Variants in CD300LF observed in about 807,000 individuals in gnomAD.
The protein encoded by CD300LF is CD300 molecule like family member f.
CD300LF carries 27 observed loss-of-function variants against 32.2 expected under a neutral mutation model. The ratio of observed to expected loss-of-function variants is 0.84; its 90% CI spans 0.62 to 1.15. The LOEUF (loss-of-function observed/expected upper bound fraction) is 1.15. CD300LF is among the 50% of genes most tolerant of loss of function. CD300LF has a pLI of 0.00. For missense variants in CD300LF, 348 were observed against 356.8 expected (o/e 0.98, Z 0.20); for synonymous variants, 139 against 143.2 (o/e 0.97, Z 0.21).
intron 4 of CD300LF, among the ~76,000 whole-genome samples, chr17:74,698,168 G>A (rs2032687078): frequency 1.3e-5 from 2 of 152,334 alleles, no homozygotes; most frequent in Admixed American, 6.5e-5. Flanking sequence ...CAGGGCAGGC[G>A]GCGAATGCCA....
intron 1 of CD300LF, among the ~76,000 whole-genome samples, chr17:74,711,815 T>G (rs569901162): frequency 1.3e-5 from 2 of 152,260 alleles, no homozygotes; most frequent in Admixed American, 1.3e-4. Context: ...TAACATATCA[T>G]CTTGTTCTGT....
chr17:74,708,961 A>C (rs1321086937), intron 1 of CD300LF, among the ~76,000 whole-genome samples: 1 of 151,302 alleles, frequency 6.6e-6, no homozygotes, highest in Non-Finnish European at 1.5e-5. Context: ...ACGGTGGTTT[A>C]CACCTGCAAT....
intron 1 of CD300LF, among the ~76,000 whole-genome samples, chr17:74,711,512 C>T (rs1331695847): frequency 6.6e-6 from 1 of 152,224 alleles, no homozygotes; most frequent in East Asian, 1.9e-4. Flanking sequence ...GCCTAGCAGT[C>T]CTGGACAAGT....
Position 74,712,841 on chromosome 17 carries a change from A to G in CD300LF, c.26T>C (p.Leu9Pro). The G allele has an allele frequency of 6.2e-7, 1 of 1,614,012 alleles. No individual in the cohort carries two copies. The highest frequency in any genetic ancestry group is 8.5e-7 in the Non-Finnish European group (1 of 1,179,972). Residue 9 changes from leucine (L) to proline (P), a missense_variant, in exon 1 of 7, where the codon CTC becomes CCC. Physicochemically the swap from Leu to Pro is moderately conservative, Grantham distance 98. Coordinates refer to ENST00000326165, the MANE Select transcript of CD300LF (RefSeq NM_139018.5). ...CCGCTCACCTGAGAGCCAGAAGAGG[A>G]GCAGGTAGAGTGTCAGCAGGGGCAT... is the stretch of plus-strand genomic sequence containing the variant. MPLLTLYL[L>P]LFWLSGYSIV...
chr17:74,710,020 C>T (rs1026102708), intron 1 of CD300LF, among the ~76,000 whole-genome samples: 1 of 152,112 alleles, frequency 6.6e-6, no homozygotes, highest in Admixed American at 6.6e-5. Context: ...GCTCTGTCGC[C>T]CAGGCTGGAG....
Position 74,700,790 on chromosome 17 carries a change from G to T in CD300LF, c.446+2245C>A, listed in dbSNP as rs962553907. 2.0e-5 allele frequency among the ~76,000 whole-genome samples: 3 copies of T among 152,026 alleles called. No homozygotes were observed. The East Asian group carries it at 5.8e-4, about 29-fold the overall frequency. On this transcript the variant is annotated intron_variant, in intron 3 of 6. Transcript: ENST00000326165. ...AACAAAAAAAACTGTTGTGGGCTGGGCTGGATTGTACACCACCACCCCCCC... is the reference window on the plus strand; with the variant it reads ...AACAAAAAAAACTGTTGTGGGCTGGTCTGGATTGTACACCACCACCCCCCC...
intron 1 of CD300LF, among the ~76,000 whole-genome samples, chr17:74,706,491 AACGCCATCTCT>A (rs1312935352): frequency 6.6e-6 from 1 of 152,012 alleles, no homozygotes; most frequent in East Asian, 1.9e-4. Context: ...AACATGGAGA[AACGCCATCTCT>A]ACTAAACATA....
chr17:74,707,898 G>A (rs973775295), intron 1 of CD300LF, among the ~76,000 whole-genome samples: 8 of 151,772 alleles, frequency 5.3e-5, no homozygotes, highest in Non-Finnish European at 8.8e-5. Context: ...ATACAGGCCA[G>A]GCACTGTGAG....
chr17:74,710,463 A>G (rs553519877), intron 1 of CD300LF, among the ~76,000 whole-genome samples: 1 of 152,386 alleles, frequency 6.6e-6, no homozygotes, highest in East Asian at 1.9e-4. Flanking sequence ...GCTAATAAAT[A>G]GTTGGAAAGT....
At chr17:74,708,878 T>C (rs1265607322) in intron 1 of CD300LF, among the ~76,000 whole-genome samples, 2 of 149,786 alleles carry the variant, frequency 1.3e-5, no homozygotes, top group African/African-American at 4.9e-5. Flanking sequence ...ATCGCGCCAC[T>C]GCACTCCAGC....
In CD300LF at chr17:74,694,438, G is replaced by A. The variant is rs1268599057; in HGVS notation, c.*658C>T. ...GGTTTCTTTTGGAGGCTCCAGGCAG[G>A]GGAATCCATTCCTTTCCCTTTCTGG... On this transcript the variant is annotated 3_prime_UTR_variant, in exon 7 of 7. Coordinates refer to ENST00000326165, the MANE Select transcript of CD300LF (RefSeq NM_139018.5). 2 of 152,188 alleles carry A rather than the reference G, an allele frequency of 1.3e-5. No individual in the cohort carries two copies. Among genetic ancestry groups the A allele is most frequent in the African/African-American group, 4.8e-5 (2 of 41,454 alleles). The allele number at this position is 152,188 out of a possible 1,614,324, so 9.4% of individuals were successfully genotyped here.
At chr17:74,703,203 C>T (rs1486437409) in intron 2 of CD300LF, 105 bp from the exon 3 acceptor site, 11 of 1,384,300 alleles carry the variant, frequency 7.9e-6, no homozygotes, top group Non-Finnish European at 1.0e-5. Flanking sequence ...TGAGCCCACC[C>T]GCAGCCCTGC....
At chr17:74,709,437 C>T (rs148467131) in intron 1 of CD300LF, among the ~76,000 whole-genome samples, 31 of 152,224 alleles carry the variant, frequency 2.0e-4, no homozygotes, top group South Asian at 4.1e-4. Flanking sequence ...ACACTTAGTG[C>T]GAGACATTCA....
chr17:74,711,497 T>A (rs2033958395), intron 1 of CD300LF, among the ~76,000 whole-genome samples: 1 of 152,222 alleles, frequency 6.6e-6, no homozygotes, highest in Non-Finnish European at 1.5e-5. Context: ...GCTCTTCCTG[T>A]ACCAGCCTAG....
chr17:74,696,106 T>A, intron 5 of CD300LF, 89 bp downstream of exon 5: 1 of 1,496,462 alleles, frequency 6.7e-7, no homozygotes, highest in Non-Finnish European at 9.0e-7. Context: ...AGGACTTCTC[T>A]GATATTTTGG....
rs529044963 is a variant in CD300LF at position 74,706,909 on chromosome 17, C to G, written c.44-2093G>C. On this transcript the variant is annotated intron_variant, in intron 1 of 6. Coordinates refer to ENST00000326165, the MANE Select transcript of CD300LF (RefSeq NM_139018.5). ...GGGAAAGGACAGTCTCTTCAATAAACAGTGCTGGGAAAACTCGACATCCAC... is the reference window on the plus strand; with the variant it reads ...GGGAAAGGACAGTCTCTTCAATAAAGAGTGCTGGGAAAACTCGACATCCAC... Among the ~76,000 whole-genome samples the G allele has an allele frequency of 1.3e-3, 199 of 152,328 alleles. 3 individuals carry two copies. Among genetic ancestry groups the G allele is most frequent in the Middle Eastern group, 0.01 (3 of 294 alleles).
intron 1 of CD300LF, chr17:74,705,139 A>G: frequency 1.5e-6 from 1 of 681,850 alleles, no homozygotes; most frequent in Non-Finnish European, 2.7e-6. Context: ...TTTTGCAGCC[A>G]TCTTTGTGTT....
chr17:74,712,126 G>T (rs2034009240), intron 1 of CD300LF, among the ~76,000 whole-genome samples: 1 of 151,712 alleles, frequency 6.6e-6, no homozygotes, highest in African/African-American at 2.4e-5. Flanking sequence ...TACCCAAGCT[G>T]GTCTCGAATC....
Position 74,695,223 on chromosome 17 carries a change from T to C in CD300LF, c.746A>G (p.Tyr249Cys), listed in dbSNP as rs750255792. ...MASLPKEDIS[Y>C]ASLTLGAEDQ... ...CTCAGCACCCAAGGTCAGAGATGCA[T>C]AGGAAATGTCCTCCTTCGGCAAGGA... Residue 249 changes from tyrosine (Y) to cysteine (C), a missense_variant, in exon 7 of 7, where the codon TAT (tyrosine) becomes TGT (cysteine). Transcript: ENST00000326165. The C allele has an allele frequency of 9.3e-6, 15 of 1,614,048 alleles. No homozygotes were observed. The highest frequency in any genetic ancestry group is 1.3e-5 in the Non-Finnish European group (15 of 1,180,000).
Sources: gnomAD v4.1 joint callset for allele counts (sites outside exome capture counted in the v4.1 genomes callset) on GRCh38, gnomAD v4.1.1 for gene constraint, MANE v1.5 for transcripts, NCBI Gene and HGNC (gene_info 2026-07-23, HGNC 2026-07-21) for gene names.